Variants in SEC22B observed in about 807,000 individuals in gnomAD.
The protein encoded by SEC22B is SEC22 homolog B, vesicle trafficking protein.
In SEC22B, 10 loss-of-function variants were observed where a neutral mutation model predicts 31.4. The observed-to-expected ratio is 0.32, with a 90% CI of 0.20 to 0.54. The LOEUF is 0.54. Ranked by LOEUF, SEC22B falls within the 20% of genes least tolerant of loss-of-function variation. The pLI is 0.94. For synonymous variants in SEC22B, 60 were observed against 95.9 expected, an observed-to-expected ratio of 0.63 and a Z score of 2.19; for missense variants, 130 against 263.4, an observed-to-expected ratio of 0.49 and a Z score of 3.50.
At chr1:120,163,943 CTCTTTT>C (rs1265570133) in intron 2 of SEC22B, among the ~76,000 whole-genome samples, 212 of 129,076 alleles carry the variant, frequency 1.6e-3, no homozygotes, top group South Asian at 0.016. Context: ...CCATTAGATT[CTCTTTT>C]TTTTTTTTTT....
chr1:120,163,352 C>T lies in SEC22B; in HGVS notation c.204G>A (p.Gly68=), dbSNP rs1396375826. Residue 68 remains glycine (G), a synonymous_variant, in exon 3 of 5, where the codon GGG becomes GGA. Transcript: ENST00000578049. ...CTTCACATAAAACCAAATAACACAC[C>T]CCCTGCTCAATAATGTAGCTGGTGA... is the stretch of plus-strand genomic sequence containing the variant. ...AMTFHYIIEQ[G]VCYLVLCEAA... 10 of 1,600,248 alleles carry T rather than the reference C, an allele frequency of 6.2e-6. No homozygotes were observed. Among genetic ancestry groups the T allele is most frequent in the South Asian group, 3.4e-5 (3 of 89,146 alleles).
Position 120,156,537 on chromosome 1 carries a change from G to A in SEC22B, c.*501C>T, listed in dbSNP as rs1365755556. The A allele has an allele frequency of 7.1e-6, 1 of 140,564 alleles. No individual in the cohort carries two copies. The highest frequency in any genetic ancestry group is 2.0e-4 in the East Asian group (1 of 4,892). 8.7% of individuals were successfully genotyped at this position (140,564 alleles called of 1,614,324 possible). On this transcript the variant is annotated 3_prime_UTR_variant, in exon 5 of 5. Coordinates refer to ENST00000578049, the MANE Select transcript of SEC22B (RefSeq NM_004892.6). The stretch of plus-strand genomic sequence containing the variant: ...TCACATACTGGAGTCTTGTTTAAAA[G>A]GCCATCAAAAACTCAGATTACTGAA...
intron 1 of SEC22B, 48 bp downstream of exon 1, chr1:120,176,259 G>C: frequency 1.3e-6 from 2 of 1,570,866 alleles, no homozygotes; most frequent in Non-Finnish European, 1.7e-6. Context: ...TGAGGGCAAA[G>C]CGCGCTGACA....
At position 120,153,378 on chromosome 1, in the gene SEC22B, A is replaced by G. The variant is rs1657577726; in HGVS notation, c.*3660T>C. ...TAGCCCTTTGTCATGAAAGCTACCA[A>G]TAAGGTGGAAATTTAAAATATGAGA... is the stretch of plus-strand genomic sequence containing the variant. On this transcript the variant is annotated 3_prime_UTR_variant, in exon 5 of 5. Transcript: ENST00000578049. 1 of 151,736 alleles carries G rather than the reference A, an allele frequency of 6.6e-6. No homozygotes were observed. The highest frequency in any genetic ancestry group is 1.5e-5 in the Non-Finnish European group (1 of 67,956). 9.4% of individuals were successfully genotyped at this position (151,736 alleles called of 1,614,324 possible).
At position 120,156,002 on chromosome 1, in the gene SEC22B, TTTAA is replaced by T. The variant is rs1409564123; in HGVS notation, c.*1032_*1035del. On this transcript the variant is annotated 3_prime_UTR_variant, in exon 5 of 5. Coordinates refer to ENST00000578049, the MANE Select transcript of SEC22B (RefSeq NM_004892.6). ...GTAGTTGATCTGCAAAAACTTTAAC[TTTAA>T]TTAACTACATAGATGAATATTTTTT... 3 of 152,168 alleles carry T rather than the reference TTTAA, an allele frequency of 2.0e-5. No individual in the cohort carries two copies. The highest frequency in any genetic ancestry group is 4.4e-5 in the Non-Finnish European group (3 of 68,004). The allele number at this position is 152,168 out of a possible 1,614,324, so 9.4% of individuals were successfully genotyped here.
At chr1:120,175,996 A>G (rs1657954730) in intron 1 of SEC22B, among the ~76,000 whole-genome samples, 1 of 152,208 alleles carries the variant, frequency 6.6e-6, no homozygotes, top group Admixed American at 6.5e-5. Flanking sequence ...GAAAATTAGA[A>G]ATCCTGAATT....
chr1:120,167,647 G>GTC (rs1158625660), intron 2 of SEC22B, among the ~76,000 whole-genome samples: 7 of 151,610 alleles, frequency 4.6e-5, no homozygotes, highest in African/African-American at 9.7e-5. Context: ...TTGAGTATAT[G>GTC]TCTCTCTCTC....
intron 2 of SEC22B, 119 bp downstream of exon 2, chr1:120,168,721 C>T (rs1657849967): frequency 1.2e-5 from 4 of 347,256 alleles, no homozygotes; most frequent in Admixed American, 9.7e-5. Context: ...AGAAGTTGCT[C>T]CTCCCAAAAG....
intron 2 of SEC22B, among the ~76,000 whole-genome samples, chr1:120,164,150 G>T (rs1364281842): frequency 1.4e-5 from 2 of 145,826 alleles, no homozygotes; most frequent in Non-Finnish European, 3.0e-5. Context: ...AGTAGAGATG[G>T]GGTTTCACCA....
chr1:120,167,356 C>T (rs1327486883), intron 2 of SEC22B, among the ~76,000 whole-genome samples: 1 of 151,990 alleles, frequency 6.6e-6, no homozygotes, highest in Non-Finnish European at 1.5e-5. Context: ...CTCCAACATG[C>T]TAGGTTCTTT....
chr1:120,159,698 A>C (rs1657683491), intron 4 of SEC22B, among the ~76,000 whole-genome samples: 1 of 152,102 alleles, frequency 6.6e-6, no homozygotes, highest in East Asian at 1.9e-4. Flanking sequence ...TACAGGCTAT[A>C]AGGATCAGAG....
rs1200451122 is a variant in SEC22B at position 120,153,102 on chromosome 1, C to T, written c.*3936G>A. On this transcript the variant is annotated 3_prime_UTR_variant, in exon 5 of 5. Coordinates refer to ENST00000578049, the MANE Select transcript of SEC22B (RefSeq NM_004892.6). ...TTATGAGAACTGAGTGACTACATTG[C>T]TTCAGATAGTTTTATACTGCTAGGT... 1.1e-4 allele frequency: 17 copies of T among 151,916 alleles called. No homozygotes were observed. The highest frequency in any genetic ancestry group is 3.9e-4 in the East Asian group (2 of 5,154). 9.4% of individuals were successfully genotyped at this position (151,916 alleles called of 1,614,324 possible). A position where few individuals can be genotyped will look rare whatever the true frequency, so the allele number is the denominator to read the frequency against.
intron 1 of SEC22B, 30 bp downstream of exon 1, chr1:120,176,277 G>A: frequency 6.3e-7 from 1 of 1,599,752 alleles, no homozygotes; most frequent in African/African-American, 1.3e-5. Flanking sequence ...ACAGAGACTT[G>A]GGGTCGCGGG....
chr1:120,164,070 A>T (rs1159889863), intron 2 of SEC22B, among the ~76,000 whole-genome samples: 2 of 131,544 alleles, frequency 1.5e-5, no homozygotes, highest in African/African-American at 5.9e-5. Context: ...GGTGATTCTC[A>T]CACCTCAGCT....
At chr1:120,166,560 C>G (rs1657814935) in intron 2 of SEC22B, among the ~76,000 whole-genome samples, 12 of 141,484 alleles carry the variant, frequency 8.5e-5, no homozygotes. Flanking sequence ...TGTTCTCATT[C>G]ATATGTAGGA....
rs1657585524 is a variant in SEC22B at position 120,153,860 on chromosome 1, T to C, written c.*3178A>G. On this transcript the variant is annotated 3_prime_UTR_variant, in exon 5 of 5. Transcript: ENST00000578049. ...TGATGTGCATGTACACAGGAACATTTTTCTAGAGTAATGGCACATACCTTT... is the reference window on the plus strand; with the variant it reads ...TGATGTGCATGTACACAGGAACATTCTTCTAGAGTAATGGCACATACCTTT... 1 of 148,900 alleles carries C rather than the reference T, an allele frequency of 6.7e-6. No homozygotes were observed. The highest frequency in any genetic ancestry group is 1.5e-5 in the Non-Finnish European group (1 of 67,520). 9.2% of individuals were successfully genotyped at this position (148,900 alleles called of 1,614,324 possible).
At chr1:120,163,571 C>CTTTTTTTTTTTGTTTTTTT (rs1213284888) in intron 2 of SEC22B, among the ~76,000 whole-genome samples, 2 of 102,600 alleles carry the variant, frequency 1.9e-5, no homozygotes, top group African/African-American at 1.6e-4. Context: ...GATGTATATT[C>CTTTTTTTTTTTGTTTTTTT]TTTTTTTTTT....
chr1:120,164,873 G>A (rs1657782878), intron 2 of SEC22B, among the ~76,000 whole-genome samples: 3 of 152,168 alleles, frequency 2.0e-5, no homozygotes, highest in South Asian at 4.1e-4. Flanking sequence ...ACATTCCCAC[G>A]AACAGTGTAT....
In SEC22B at chr1:120,152,996, G is replaced by C. The variant is rs1292649293; in HGVS notation, c.*4042C>G. ...AAAATGAAGGAAATGAGAGAAAAAA[G>C]TATAGATTACTATATGGAAGTCAAA... On this transcript the variant is annotated 3_prime_UTR_variant, in exon 5 of 5. Transcript: ENST00000578049. 1 of 149,268 alleles carries C rather than the reference G, an allele frequency of 6.7e-6. No homozygotes were observed. Among genetic ancestry groups the C allele is most frequent in the African/African-American group, 2.6e-5 (1 of 39,114 alleles). 9.2% of individuals were successfully genotyped at this position (149,268 alleles called of 1,614,324 possible).
Sources: allele counts gnomAD v4.1 joint callset (sites outside exome capture counted in the v4.1 genomes callset), GRCh38; gene constraint gnomAD v4.1.1; transcripts MANE v1.5; gene names NCBI Gene and HGNC (gene_info 2026-07-23, HGNC 2026-07-21).